SPMAP2L: variants seen among roughly 807,000 people sequenced by gnomAD.
SPMAP2L encodes the protein sperm microtubule associated protein 2-like.
the SPMAP2L span, chr4:56,530,616 C>A: frequency 6.7e-7 from 1 of 1,497,120 alleles, no homozygotes; most frequent in Non-Finnish European, 8.9e-7. Context: ...AGAGAGCAAA[C>A]TGCGCCTGGG....
chr4:56,561,803 C>A, the SPMAP2L span, among the ~76,000 whole-genome samples: 1 of 152,182 alleles, frequency 6.6e-6, no homozygotes, highest in African/African-American at 2.4e-5. Flanking sequence ...TGGCTCACTG[C>A]AACCTCCACC....
the SPMAP2L span, chr4:56,593,460 G>A: frequency 1.3e-5 from 21 of 1,587,074 alleles, no homozygotes; most frequent in Admixed American, 1.8e-4. Context: ...ACCCAGACAC[G>A]GAGGGGAAGG....
chr4:56,610,119 C>G, the SPMAP2L span, among the ~76,000 whole-genome samples: 2 of 151,980 alleles, frequency 1.3e-5, no homozygotes, highest in Admixed American at 6.6e-5. Flanking sequence ...TCATATGGAA[C>G]CAAAAAAGAG....
the SPMAP2L span, among the ~76,000 whole-genome samples, chr4:56,558,110 A>G: frequency 0.11 from 16,438 of 152,046 alleles, 982 homozygotes; most frequent in East Asian, 0.2. Flanking sequence ...CTGGGATTAC[A>G]GGCATCCACC....
At chr4:56,551,036 T>G in the SPMAP2L span, among the ~76,000 whole-genome samples, 3 of 152,060 alleles carry the variant, frequency 2.0e-5, no homozygotes, top group Non-Finnish European at 4.4e-5. Context: ...TCTCCCCTAC[T>G]GCCTCCTCCC....
chr4:56,599,958 T>C, the SPMAP2L span, among the ~76,000 whole-genome samples: 2 of 152,100 alleles, frequency 1.3e-5, no homozygotes, highest in African/African-American at 2.4e-5. Context: ...CACAATGAGA[T>C]ACCATCTCAC....
chr4:56,541,145 A>G, the SPMAP2L span, among the ~76,000 whole-genome samples: 1 of 152,236 alleles, frequency 6.6e-6, no homozygotes, highest in Non-Finnish European at 1.5e-5. Flanking sequence ...CTATATTTTA[A>G]TATAACTGCT....
the SPMAP2L span, among the ~76,000 whole-genome samples, chr4:56,559,781 C>T: frequency 0.95 from 145,029 of 152,100 alleles, 69,225 homozygotes; most frequent in Middle Eastern, 0.97. Context: ...GTTGGCCAGA[C>T]TGGTCTCGAG....
At chr4:56,563,067 T>G in the SPMAP2L span, among the ~76,000 whole-genome samples, 1 of 143,496 alleles carries the variant, frequency 7.0e-6, no homozygotes, top group Non-Finnish European at 1.5e-5. Flanking sequence ...TTACTGCATC[T>G]AAAGATAAGA....
At chr4:56,606,063 C>T in the SPMAP2L span, among the ~76,000 whole-genome samples, 5 of 152,144 alleles carry the variant, frequency 3.3e-5, no homozygotes, top group African/African-American at 4.8e-5. Context: ...TCCTCGGGGC[C>T]GAGAGAATTT....
the SPMAP2L span, chr4:56,595,075 T>C: frequency 6.2e-7 from 1 of 1,610,376 alleles, no homozygotes; most frequent in Non-Finnish European, 8.5e-7. Flanking sequence ...CCCATGGGGC[T>C]CCAGTTCCAT....
At chr4:56,613,428 G>A in the SPMAP2L span, among the ~76,000 whole-genome samples, 1 of 152,154 alleles carries the variant, frequency 6.6e-6, no homozygotes, top group African/African-American at 2.4e-5. Context: ...GGAGCAGAAA[G>A]AAGCTGTAGA....
the SPMAP2L span, among the ~76,000 whole-genome samples, chr4:56,605,908 T>A: frequency 6.6e-6 from 1 of 152,224 alleles, no homozygotes; most frequent in Non-Finnish European, 1.5e-5. Context: ...TTGCTCTTCT[T>A]GTAACCATTT....
the SPMAP2L span, chr4:56,575,716 T>TAAA: frequency 1.4e-6 from 2 of 1,424,120 alleles, no homozygotes; most frequent in Non-Finnish European, 1.9e-6. Context: ...GTTCTAATTT[T>TAAA]AGTGTGTGCA....
the SPMAP2L span, among the ~76,000 whole-genome samples, chr4:56,566,293 G>T: frequency 6.6e-6 from 1 of 152,096 alleles, no homozygotes; most frequent in Admixed American, 6.6e-5. Flanking sequence ...CTGCCTTCCG[G>T]ATTCAAGCAA....
the SPMAP2L span, among the ~76,000 whole-genome samples, chr4:56,571,950 GC>G: frequency 7.2e-5 from 11 of 152,242 alleles, no homozygotes; most frequent in African/African-American, 2.6e-4. Context: ...GTGTTTAGGA[GC>G]AAAACATGCA....
chr4:56,572,772 T>C, the SPMAP2L span, among the ~76,000 whole-genome samples: 44 of 152,234 alleles, frequency 2.9e-4, no homozygotes, highest in African/African-American at 9.4e-4. Context: ...TCCCAGCACT[T>C]TGGGAGGCCA....
At chr4:56,587,008 C>G in the SPMAP2L span, among the ~76,000 whole-genome samples, 5 of 152,046 alleles carry the variant, frequency 3.3e-5, no homozygotes, top group African/African-American at 1.2e-4. Flanking sequence ...TATAAATAAT[C>G]AATAGCCTCA....
At chr4:56,562,277 A>G in the SPMAP2L span, among the ~76,000 whole-genome samples, 3 of 152,114 alleles carry the variant, frequency 2.0e-5, no homozygotes, top group Non-Finnish European at 4.4e-5. Flanking sequence ...CTCTCTTCCT[A>G]AAAGTATCCT....
Sources: gnomAD v4.1 joint callset for allele counts (sites outside exome capture counted in the v4.1 genomes callset) on GRCh38, gnomAD v4.1.1 for gene constraint, MANE v1.5 for transcripts, NCBI Gene and HGNC (gene_info 2026-07-23, HGNC 2026-07-21) for gene names.